Variants in SLC6A2 observed in about 807,000 individuals in gnomAD.
The protein encoded by SLC6A2 is sodium-dependent noradrenaline transporter.
SLC6A2 carries 26 observed loss-of-function variants against 71.7 expected under a neutral mutation model. That is an observed-to-expected ratio of 0.36 (90% CI 0.27 to 0.50). The LOEUF is 0.50. SLC6A2 is among the 20% of genes least tolerant of loss of function. SLC6A2 has a pLI of 0.96. For synonymous variants in SLC6A2, 363 were observed against 337.9 expected, an observed-to-expected ratio of 1.07 and a Z score of -0.82; for missense variants, 581 against 803.9, an observed-to-expected ratio of 0.72 and a Z score of 3.35.
chr16:55,676,935 G>A (rs1965107500), intron 4 of SLC6A2, among the ~76,000 whole-genome samples: 1 of 152,188 alleles, frequency 6.6e-6, no homozygotes, highest in African/African-American at 2.4e-5. Context: ...ATCACCTGGA[G>A]AGCATGGATG....
At chr16:55,677,799 A>G (rs1965141295) in intron 4 of SLC6A2, among the ~76,000 whole-genome samples, 1 of 152,154 alleles carries the variant, frequency 6.6e-6, no homozygotes, top group African/African-American at 2.4e-5. Flanking sequence ...AGCTGGGACT[A>G]TAAGCATGTA....
chr16:55,693,269 C>G (rs1414462307), intron 6 of SLC6A2, among the ~76,000 whole-genome samples: 1 of 152,120 alleles, frequency 6.6e-6, no homozygotes, highest in Non-Finnish European at 1.5e-5. Flanking sequence ...CACTTGTAAT[C>G]CCAGCCACTC....
chr16:55,661,308 G>A (rs980763051), intron 2 of SLC6A2, among the ~76,000 whole-genome samples: 1 of 152,174 alleles, frequency 6.6e-6, no homozygotes, highest in Non-Finnish European at 1.5e-5. Context: ...ATAGTCTTTA[G>A]GTTCAGGGTC....
intron 6 of SLC6A2, among the ~76,000 whole-genome samples, chr16:55,693,258 G>A (rs559844132): frequency 6.6e-5 from 10 of 152,118 alleles, no homozygotes; most frequent in Admixed American, 3.9e-4. Flanking sequence ...ACGGTGGCAC[G>A]CACTTGTAAT....
At chr16:55,677,559 C>T (rs1160721179) in intron 4 of SLC6A2, among the ~76,000 whole-genome samples, 2 of 152,094 alleles carry the variant, frequency 1.3e-5, no homozygotes, top group Non-Finnish European at 2.9e-5. Context: ...TTAATTACAG[C>T]CCTAAGCTTC....
At chr16:55,685,369 G>A (rs1965419591) in intron 5 of SLC6A2, 88 bp downstream of exon 5, 4 of 1,405,778 alleles carry the variant, frequency 2.8e-6, no homozygotes, top group Middle Eastern at 1.8e-4. Flanking sequence ...GTAGCTGGTG[G>A]ACAAAAAAGA....
chr16:55,695,315 A>T lies in SLC6A2; in HGVS notation c.1060A>T (p.Ser354Cys). Residue 354 changes from serine (S) to cysteine (C), a missense_variant, in exon 8 of 15, where the codon AGC becomes TGC. Physicochemically the swap from Ser to Cys is moderately radical, Grantham distance 112. Transcript: ENST00000568943. ...LLTSSINCIT[S>C]FVSGFAIFSI... ...GACCAGCAGCATCAACTGTATCACC[A>T]GCTTCGTCTCTGGGTTCGCCATCTT... 1 of 1,614,154 alleles carries T rather than the reference A, an allele frequency of 6.2e-7. No individual in the cohort carries two copies.
intron 2 of SLC6A2, among the ~76,000 whole-genome samples, chr16:55,659,781 G>T (rs1964560671): frequency 6.6e-6 from 1 of 152,178 alleles, no homozygotes; most frequent in Non-Finnish European, 1.5e-5. Flanking sequence ...AGTGGGGCAG[G>T]GGCAGCCTAT....
chr16:55,699,239 C>A (rs548860400), intron 11 of SLC6A2, among the ~76,000 whole-genome samples: 1 of 152,298 alleles, frequency 6.6e-6, no homozygotes, highest in South Asian at 2.1e-4. Context: ...GCAAGAGTAA[C>A]CAAGAGGAAA....
intron 2 of SLC6A2, among the ~76,000 whole-genome samples, chr16:55,666,956 A>G (rs1169523867): frequency 6.6e-6 from 1 of 152,076 alleles, no homozygotes; most frequent in Admixed American, 6.5e-5. Context: ...AGGCCTATCA[A>G]AGATTTTTTG....
chr16:55,693,050 C>T (rs1483150510), intron 6 of SLC6A2, among the ~76,000 whole-genome samples: 4 of 152,222 alleles, frequency 2.6e-5, no homozygotes, highest in African/African-American at 9.6e-5. Context: ...TGTCTTCCCC[C>T]ATCAGATCAT....
Position 55,705,126 on chromosome 16 carries a change from A to G in SLC6A2, c.*2780A>G. ...GGTTTTTAAAGAATTATTATTTTTC[A>G]TGAAATGTAAAATATCAGTTTGAGA... is the stretch of plus-strand genomic sequence containing the variant. On this transcript the variant is annotated 3_prime_UTR_variant, in exon 15 of 15. Coordinates refer to ENST00000568943, the MANE Select transcript of SLC6A2 (RefSeq NM_001172501.3). 2 of 1,014,684 alleles carry G rather than the reference A, an allele frequency of 2.0e-6. No homozygotes were observed. The highest frequency in any genetic ancestry group is 1.5e-6 in the Non-Finnish European group (1 of 675,746). 62.9% of individuals were successfully genotyped at this position (1,014,684 alleles called of 1,614,324 possible). A position where few individuals can be genotyped will look rare whatever the true frequency, so the allele number is the denominator to read the frequency against.
intron 3 of SLC6A2, chr16:55,671,668 T>C (rs1596965467): frequency 1.6e-6 from 1 of 628,372 alleles, no homozygotes; most frequent in East Asian, 2.7e-5. Flanking sequence ...ATGCGAGGGA[T>C]CTAGGTTGTG....
At chr16:55,671,572 C>T in intron 3 of SLC6A2, 8 of 481,986 alleles carry the variant, frequency 1.7e-5, no homozygotes, top group Admixed American at 3.5e-5. Context: ...CCCCATCGCT[C>T]GCATGACCGC....
intron 3 of SLC6A2, chr16:55,671,699 C>T: frequency 1.3e-6 from 1 of 745,050 alleles, no homozygotes; most frequent in South Asian, 1.9e-5. Flanking sequence ...GAGAATCTAA[C>T]TAACGCCTGA....
rs770612314 is a variant in SLC6A2, at chr16:55,691,960, G to A, written c.826G>A (p.Val276Met). The change falls in exon 6 of 15, where the codon GTG (valine) becomes ATG (methionine). Residue 276 changes from valine to methionine, a missense_variant. Physicochemically the swap from Val to Met is conservative, Grantham distance 21. Transcript: ENST00000568943. ...CACGCTGCCTTACTTCGTGCTGTTC[G>A]TGCTCCTGGTCCATGGCGTCACGCT... ...TATLPYFVLFVLLVHGVTLPG... is the reference protein window; with the variant it reads ...TATLPYFVLFMLLVHGVTLPG... The A allele has an allele frequency of 2.5e-5, 40 of 1,614,014 alleles. No homozygotes were observed. The highest frequency in any genetic ancestry group is 3.1e-5 in the Non-Finnish European group (36 of 1,180,038).
intron 4 of SLC6A2, among the ~76,000 whole-genome samples, chr16:55,684,327 C>T (rs1300348591): frequency 6.7e-6 from 1 of 148,410 alleles, no homozygotes; most frequent in African/African-American, 2.5e-5. Context: ...ACAACAACAA[C>T]AAAACTCCAC....
chr16:55,686,220 A>G (rs1292379770), intron 5 of SLC6A2, among the ~76,000 whole-genome samples: 1 of 152,178 alleles, frequency 6.6e-6, no homozygotes. Context: ...ACTGGGCTGG[A>G]ATATTCTAGA....
At chr16:55,698,385 G>A in intron 10 of SLC6A2, 84 bp from the exon 11 acceptor site, 1 of 958,730 alleles carries the variant, frequency 1.0e-6, no homozygotes, top group Non-Finnish European at 1.7e-6. Context: ...TGGGACAGGG[G>A]GCAGGTAAGA....
Sources: allele counts gnomAD v4.1 joint callset (sites outside exome capture counted in the v4.1 genomes callset), GRCh38; gene constraint gnomAD v4.1.1; transcripts MANE v1.5; gene names NCBI Gene and HGNC (gene_info 2026-07-23, HGNC 2026-07-21).